TENM3: variants seen among roughly 807,000 people sequenced by gnomAD.
TENM3 encodes teneurin-3.
TENM3 carries 63 observed loss-of-function variants against 255.1 expected under a neutral mutation model. The ratio of observed to expected loss-of-function variants is 0.25; its 90% CI spans 0.20 to 0.30. TENM3 has a LOEUF of 0.30. Among genes scored for constraint, TENM3 ranks in the 10% least tolerant of loss-of-function variants. The probability of loss-of-function intolerance (pLI) is 1.00; values close to 1 mark genes in which losing one functional copy is unlikely to be tolerated. For missense variants in TENM3, 2,929 were observed against 3,461.1 expected, an observed-to-expected ratio of 0.85 and a Z score of 3.86; for synonymous variants, 1,306 against 1,322.3, an observed-to-expected ratio of 0.99 and a Z score of 0.27.
chr4:182,538,174 A>G (rs555720013), intron 3 of TENM3, among the ~76,000 whole-genome samples: 2 of 152,162 alleles, frequency 1.3e-5, no homozygotes, highest in South Asian at 4.1e-4. Context: ...CTGTTTACCA[A>G]AGGTGTACCC....
intron 23 of TENM3, 81 bp downstream of exon 23, chr4:182,773,728 C>A: frequency 7.9e-7 from 1 of 1,258,820 alleles, no homozygotes; most frequent in Non-Finnish European, 1.1e-6. Context: ...CAAGGTGAAC[C>A]AGAAAAGGGA....
intron 3 of TENM3, among the ~76,000 whole-genome samples, chr4:182,362,505 T>C (rs1280418426): frequency 6.6e-6 from 1 of 152,128 alleles, no homozygotes; most frequent in Non-Finnish European, 1.5e-5. Context: ...CGAGACTCCA[T>C]GGGTGTAGGA....
chr4:181,647,908 G>C, the TENM3 span, among the ~76,000 whole-genome samples: 1 of 152,122 alleles, frequency 6.6e-6, no homozygotes, highest in African/African-American at 2.4e-5. Context: ...TTCAGCTTGA[G>C]TCAAACCTTT....
the TENM3 span, among the ~76,000 whole-genome samples, chr4:182,099,906 G>C: frequency 6.6e-6 from 1 of 152,074 alleles, no homozygotes. Context: ...GGGAACAGAA[G>C]AAAAGACAAG....
Position 182,793,315 on chromosome 4 carries a change from C to A in TENM3, c.6643C>A (p.Arg2215=). The change falls in exon 26 of 28, where the codon CGA becomes AGA. Residue 2215 remains arginine, a synonymous_variant. Coordinates refer to ENST00000511685, the MANE Select transcript of TENM3 (RefSeq NM_001080477.4). The surrounding 1 kb of genome is among the most constrained non-coding windows in gnomAD (Gnocchi z 5.7). ...FEYSSKGLLT[R]VYSKGSGWTV... ...ATATAGCTCCAAGGGGCTTCTAACT[C>A]GAGTTTACAGTAAAGGCAGTGGCTG... 1 of 1,613,780 alleles carries A rather than the reference C, an allele frequency of 6.2e-7. No homozygotes were observed. Among genetic ancestry groups the A allele is most frequent in the Non-Finnish European group, 8.5e-7 (1 of 1,179,772 alleles).
the TENM3 span, among the ~76,000 whole-genome samples, chr4:181,921,166 G>A: frequency 1.1e-4 from 16 of 152,178 alleles, no homozygotes; most frequent in South Asian, 1.2e-3. Flanking sequence ...GTCAGGTAGC[G>A]TGATGCCTCC....
chr4:181,916,350 C>A, the TENM3 span, among the ~76,000 whole-genome samples: 1 of 152,144 alleles, frequency 6.6e-6, no homozygotes, highest in Non-Finnish European at 1.5e-5. Context: ...CAAAATTAAA[C>A]TGTAAATTCC....
At chr4:182,758,895 C>T (rs760777331) in intron 22 of TENM3, among the ~76,000 whole-genome samples, 2 of 152,160 alleles carry the variant, frequency 1.3e-5, no homozygotes, top group Non-Finnish European at 2.9e-5. Context: ...AAATACCTCG[C>T]ACAGAAAAGT....
chr4:181,556,378 T>G, the TENM3 span, among the ~76,000 whole-genome samples: 117 of 152,252 alleles, frequency 7.7e-4, no homozygotes, highest in African/African-American at 2.7e-3. Context: ...TTTTCTAAAT[T>G]GAATAATGTA....
the TENM3 span, among the ~76,000 whole-genome samples, chr4:181,625,143 A>G: frequency 2.0e-5 from 3 of 152,198 alleles, no homozygotes; most frequent in African/African-American, 4.8e-5. Context: ...GCACCTTCAC[A>G]TGGCAGAAGA....
In TENM3 at chr4:182,799,524, C is replaced by A; in HGVS notation, c.7345-72C>A. 6.7e-7 allele frequency: 1 copy of A among 1,499,176 alleles called. No homozygotes were observed. 92.9% of individuals were successfully genotyped at this position (1,499,176 alleles called of 1,614,324 possible). ...CATGCCCCGGCGCTGCCCCCAGAGT[C>A]CCGTGTGTGGGTCAGGAGTGGGGAG... On this transcript the variant is annotated intron_variant, in intron 27 of 27. Coordinates refer to ENST00000511685, the MANE Select transcript of TENM3 (RefSeq NM_001080477.4). This position sits in a 1 kb window ranked among gnomAD's most constrained non-coding sequence, Gnocchi z 4.2.
chr4:182,318,309 A>G (rs11938520), intron 1 of TENM3, among the ~76,000 whole-genome samples: 6,214 of 152,234 alleles, frequency 0.041, 419 homozygotes, highest in African/African-American at 0.14. Context: ...GGGATGTTTG[A>G]TAAATTGTAA....
the TENM3 span, among the ~76,000 whole-genome samples, chr4:181,551,948 T>C: frequency 2.6e-5 from 4 of 151,534 alleles, no homozygotes; most frequent in Admixed American, 2.0e-4. Context: ...TTGAAAAATA[T>C]TCAAGGTGTT....
At chr4:181,744,511 T>C in the TENM3 span, among the ~76,000 whole-genome samples, 104 of 152,310 alleles carry the variant, frequency 6.8e-4, no homozygotes, top group African/African-American at 2.4e-3. Context: ...TTTTAATAAC[T>C]AATAGCTATT....
the TENM3 span, among the ~76,000 whole-genome samples, chr4:181,514,434 A>G: frequency 6.6e-6 from 1 of 152,224 alleles, no homozygotes; most frequent in African/African-American, 2.4e-5. Context: ...CTTTTGCTAC[A>G]AATTTTCCTA....
chr4:182,760,890 G>A (rs1343092008), intron 22 of TENM3, among the ~76,000 whole-genome samples: 1 of 152,176 alleles, frequency 6.6e-6, no homozygotes, highest in Non-Finnish European at 1.5e-5. Context: ...TGTGAACAGC[G>A]CATGTGCTAC....
At chr4:181,970,658 T>C in the TENM3 span, among the ~76,000 whole-genome samples, 1 of 152,120 alleles carries the variant, frequency 6.6e-6, no homozygotes, top group Non-Finnish European at 1.5e-5. Flanking sequence ...TTAATCAGGG[T>C]TCCAGAGGCC....
intron 3 of TENM3, among the ~76,000 whole-genome samples, chr4:182,386,802 G>C (rs938816129): frequency 3.9e-4 from 60 of 152,226 alleles, no homozygotes; most frequent in Non-Finnish European, 6.6e-4. Context: ...GCAGGCCTCC[G>C]GACTGAAGCC....
In TENM3 at chr4:182,195,470, C is replaced by T. The variant is rs115706500; in HGVS notation, c.-76+50716C>T. ...CCTAGGCAACATAGCAAGAGCTCGC[C>T]TCTACAAAAAATAGAAAAAATTAGC... On this transcript the variant is annotated intron_variant, in intron 1 of 2. Coordinates refer to the TENM3 transcript ENST00000512480. Among the ~76,000 whole-genome samples the T allele has an allele frequency of 4.7e-3, 709 of 152,126 alleles. 8 individuals are homozygous for T. Among genetic ancestry groups the T allele is most frequent in the African/African-American group, 0.016 (678 of 41,498 alleles).
Sources: allele counts gnomAD v4.1 joint callset (sites outside exome capture counted in the v4.1 genomes callset), GRCh38; gene constraint gnomAD v4.1.1; non-coding constraint Gnocchi (gnomAD v3.1); transcripts MANE v1.5; gene names NCBI Gene and HGNC (gene_info 2026-07-23, HGNC 2026-07-21).